The following NAV2 variants were observed in gnomAD, a reference collection of about 807,000 sequenced individuals.
NAV2 encodes the protein helicase, APC down-regulated 1.
A neutral mutation model predicts 223.2 loss-of-function variants in NAV2; 54 were observed. That is an observed-to-expected ratio of 0.24 (90% CI 0.19 to 0.30). The LOEUF is 0.30. NAV2 is among the 10% of genes least tolerant of loss of function. The probability of loss-of-function intolerance (pLI) is 1.00; values close to 1 mark genes in which losing one functional copy is unlikely to be tolerated. For synonymous variants in NAV2, 1,279 were observed against 1,239.3 expected, an observed-to-expected ratio of 1.03 and a Z score of -0.67; for missense variants, 2,806 against 3,147.5, an observed-to-expected ratio of 0.89 and a Z score of 2.60.
At position 19,855,955 on chromosome 11, in the gene NAV2, A is replaced by C. The variant is rs1426663667; in HGVS notation, c.439-12970A>C. ...AATGATTATCAAGTGCTCTCTCTTT[A>C]TGATCACCCAGCAGTTTAATTTTAG... On this transcript the variant is annotated intron_variant, in intron 3 of 37. Transcript: ENST00000349880. Among the ~76,000 whole-genome samples the C allele has an allele frequency of 2.0e-5, 3 of 152,208 alleles. No individual in the cohort carries two copies. The East Asian group carries it at 5.8e-4, about 29-fold the overall frequency.
chr11:20,100,220 C>A (rs1482576492), intron 31 of NAV2, among the ~76,000 whole-genome samples: 1 of 152,098 alleles, frequency 6.6e-6, no homozygotes, highest in East Asian at 1.9e-4. Context: ...CCTTTTGAAG[C>A]CAACAACCCT....
At position 19,813,273 on chromosome 11, in the gene NAV2, T is replaced by C. The variant is rs541502398; in HGVS notation, c.268-19211T>C. Among the ~76,000 whole-genome samples, 418 of 151,322 alleles carry C rather than the reference T, an allele frequency of 2.8e-3. 3 individuals are homozygous for C. Among genetic ancestry groups the C allele is most frequent in the South Asian group, 8.2e-3 (39 of 4,758 alleles). ...GATTGTCAAAACCCCACTGGAGGAG[T>C]TGGAAAGCATGTAAGGTTTTGCTCT... On this transcript the variant is annotated intron_variant, in intron 1 of 37. Coordinates refer to ENST00000349880, the MANE Select transcript of NAV2 (RefSeq NM_145117.5).
At chr11:20,096,480 G>A (rs1197154910) in intron 30 of NAV2, among the ~76,000 whole-genome samples, 1 of 151,912 alleles carries the variant, frequency 6.6e-6, no homozygotes, top group Admixed American at 6.6e-5. Context: ...CACGTTTTTT[G>A]TGCCAGACAC....
intron 8 of NAV2, among the ~76,000 whole-genome samples, chr11:19,943,693 G>A (rs1325208812): frequency 6.6e-6 from 1 of 152,098 alleles, no homozygotes; most frequent in Non-Finnish European, 1.5e-5. Flanking sequence ...GATGTCTAAT[G>A]TAAATTCTGC....
At chr11:19,984,600 ATTGCACC>A (rs2050598173) in intron 11 of NAV2, among the ~76,000 whole-genome samples, 1 of 152,100 alleles carries the variant, frequency 6.6e-6, no homozygotes, top group Non-Finnish European at 1.5e-5. Flanking sequence ...CTTTCTAGGT[ATTGCACC>A]TTGTGGCACA....
chr11:19,789,426 A>G (rs898646153), intron 1 of NAV2, among the ~76,000 whole-genome samples: 11 of 152,214 alleles, frequency 7.2e-5, no homozygotes, highest in Admixed American at 1.3e-4. Context: ...TTCCACTCCC[A>G]GTCTAAGAGA....
intron 10 of NAV2, among the ~76,000 whole-genome samples, chr11:19,965,037 T>G (rs1385785341): frequency 1.3e-5 from 2 of 152,088 alleles, no homozygotes; most frequent in Non-Finnish European, 2.9e-5. Flanking sequence ...CAGGCTGGTC[T>G]GGAACTCCTG....
chr11:19,923,759 A>T (rs553578017), intron 6 of NAV2, among the ~76,000 whole-genome samples: 3 of 152,216 alleles, frequency 2.0e-5, no homozygotes, highest in South Asian at 2.1e-4. Context: ...AATTTCATAC[A>T]CTCTTGGAAA....
chr11:19,555,012 C>CA (rs66625282), intron 1 of NAV2, among the ~76,000 whole-genome samples: 35,330 of 141,324 alleles, frequency 0.25, 4,444 homozygotes, highest in East Asian at 0.45. Flanking sequence ...CCATGTTTTG[C>CA]AAAAAAAAAA....
At chr11:19,418,003 A>G (rs994245738) in intron 1 of NAV2, among the ~76,000 whole-genome samples, 3 of 152,224 alleles carry the variant, frequency 2.0e-5, no homozygotes, top group African/African-American at 7.2e-5. Context: ...TAGCATTAAC[A>G]GAAATACCTA....
At chr11:20,044,295 GC>G in intron 13 of NAV2, 23 bp downstream of exon 13, 1 of 1,581,390 alleles carries the variant, frequency 6.3e-7, no homozygotes, top group Non-Finnish European at 8.6e-7. Flanking sequence ...GGCTGTCTTG[GC>G]CCTACAGTTG....
intron 15 of NAV2, among the ~76,000 whole-genome samples, chr11:20,049,549 A>T (rs2057771905): frequency 6.6e-6 from 1 of 151,740 alleles, no homozygotes; most frequent in African/African-American, 2.4e-5. Context: ...AGAGCAGGTG[A>T]CTGGGTGCAG....
At chr11:19,364,286 T>A (rs374279666) in intron 1 of NAV2, among the ~76,000 whole-genome samples, 1 of 152,208 alleles carries the variant, frequency 6.6e-6, no homozygotes, top group African/African-American at 2.4e-5. Flanking sequence ...CAGGAATCAG[T>A]GATGAGAACT....
At position 19,856,800 on chromosome 11, in the gene NAV2, A is replaced by G. The variant is rs145799828; in HGVS notation, c.439-12125A>G. On this transcript the variant is annotated intron_variant, in intron 3 of 37. Coordinates refer to ENST00000349880, the MANE Select transcript of NAV2 (RefSeq NM_145117.5). ...CAAAGTCCTGCAGGATTCTGAATTG[A>G]GCATTAATGCATTCAAAGGTATTTG... is the stretch of plus-strand genomic sequence containing the variant. Among the ~76,000 whole-genome samples, 215 of 152,318 alleles carry G rather than the reference A, an allele frequency of 1.4e-3. 4 individuals carry two copies. In the South Asian group the frequency reaches 0.022, roughly 16 times the overall value.
Position 19,948,828 on chromosome 11 carries a change from C to A in NAV2, c.2393C>A (p.Pro798His), listed in dbSNP as rs1424065672. 1 of 1,614,038 alleles carries A rather than the reference C, an allele frequency of 6.2e-7. No homozygotes were observed. Among genetic ancestry groups the A allele is most frequent in the Non-Finnish European group, 8.5e-7 (1 of 1,180,020 alleles). Residue 798 changes from proline to histidine, a missense_variant, in exon 10 of 38, where the codon CCC (proline) becomes CAC (histidine). By Grantham distance (77) the Pro-to-His change is moderately conservative. Transcript: ENST00000349880. ...CCTCGGCTCCAAGCAGGAGACGCCC[C>A]CTCAATGGGCAATGGGTATCCCCCT... ...SSPRLQAGDA[P>H]SMGNGYPPRA...
At chr11:19,843,758 TAA>T (rs34850023) in intron 3 of NAV2, among the ~76,000 whole-genome samples, 5,213 of 135,246 alleles carry the variant, frequency 0.039, 98 homozygotes, top group Non-Finnish European at 0.048. Flanking sequence ...TCCAGAAATC[TAA>T]AAAAAAAAAA....
chr11:19,884,222 A>T, intron 5 of NAV2: 1 of 1,134,064 alleles, frequency 8.8e-7, no homozygotes, highest in Non-Finnish European at 1.3e-6. Flanking sequence ...GAAGACTCTT[A>T]GGATTTGTGT....
At chr11:19,896,704 A>T (rs567708911) in intron 6 of NAV2, among the ~76,000 whole-genome samples, 2 of 152,242 alleles carry the variant, frequency 1.3e-5, no homozygotes, top group Admixed American at 6.5e-5. Context: ...TCAGTAAGTT[A>T]AATTAGAATT....
intron 1 of NAV2, among the ~76,000 whole-genome samples, chr11:19,706,766 C>T (rs2049675235): frequency 6.6e-6 from 1 of 152,188 alleles, no homozygotes; most frequent in African/African-American, 2.4e-5. Flanking sequence ...TGGTTTGCTA[C>T]CTGCAGTCAT....
Sources: gnomAD v4.1 joint callset for allele counts (sites outside exome capture counted in the v4.1 genomes callset) on GRCh38, gnomAD v4.1.1 for gene constraint, MANE v1.5 for transcripts, NCBI Gene and HGNC (gene_info 2026-07-23, HGNC 2026-07-21) for gene names.